Variants in MACROD1 observed in about 807,000 individuals in gnomAD.
MACROD1 encodes the protein mono-ADP ribosylhydrolase 1.
Under a neutral mutation model 41.4 loss-of-function variants are expected in MACROD1, and 31 were observed. The ratio of observed to expected loss-of-function variants is 0.75; its 90% CI spans 0.56 to 1.01. MACROD1 has a LOEUF of 1.01. MACROD1 is among the 50% of genes least tolerant of loss of function. MACROD1 has a pLI of 0.00. For missense variants in MACROD1, 473 were observed against 460.0 expected, an observed-to-expected ratio of 1.03 and a Z score of -0.26; for synonymous variants, 252 against 203.4, an observed-to-expected ratio of 1.24 and a Z score of -2.03.
chr11:64,124,605 G>A (rs372205790), intron 3 of MACROD1, among the ~76,000 whole-genome samples: 6 of 152,116 alleles, frequency 3.9e-5, no homozygotes, highest in East Asian at 3.9e-4. Context: ...AAAAGTGGGG[G>A]TCAGGCCCCC....
chr11:64,165,779 T>C lies in MACROD1; in HGVS notation c.216A>G (p.Thr72=). 2 of 1,495,510 alleles carry C rather than the reference T, an allele frequency of 1.3e-6. No homozygotes were observed. Among genetic ancestry groups the C allele is most frequent in the Non-Finnish European group, 1.8e-6 (2 of 1,128,422 alleles). The allele number at this position is 1,495,510 out of a possible 1,614,324, so 92.6% of individuals were successfully genotyped here. Residue 72 remains threonine, a synonymous_variant, in exon 1 of 11, where the codon ACA becomes ACG. Coordinates refer to ENST00000255681, the MANE Select transcript of MACROD1 (RefSeq NM_014067.4). ...GGGGGGCCCAAGTGCGCACCCCGGCTGTCCGCCCCACCGCCGCCGCCCCCC... is the reference window on the plus strand; with the variant it reads ...GGGGGGCCCAAGTGCGCACCCCGGCCGTCCGCCCCACCGCCGCCGCCCCCC... The part of the protein sequence containing the change: ...GAWGAAAVGR[T]AGVRTWAPLA...
At chr11:64,086,503 C>T (rs1944397703) in intron 3 of MACROD1, among the ~76,000 whole-genome samples, 1 of 151,436 alleles carries the variant, frequency 6.6e-6, no homozygotes, top group Admixed American at 6.6e-5. Context: ...TCCCTGAGGT[C>T]CCCTAGCTGA....
At chr11:64,054,363 A>G (rs1382798041) in intron 3 of MACROD1, among the ~76,000 whole-genome samples, 2 of 152,224 alleles carry the variant, frequency 1.3e-5, no homozygotes, top group Admixed American at 6.5e-5. Context: ...CCACTTCTCC[A>G]GGAGACTGAG....
intron 6 of MACROD1, 37 bp downstream of exon 6, chr11:63,999,605 C>T: frequency 6.2e-7 from 1 of 1,609,440 alleles, no homozygotes; most frequent in Non-Finnish European, 8.5e-7. Context: ...TGTCACTGCG[C>T]CCCGCCTCCC....
intron 3 of MACROD1, among the ~76,000 whole-genome samples, chr11:64,040,724 G>A (rs1038379485): frequency 1.3e-5 from 2 of 152,178 alleles, no homozygotes; most frequent in Non-Finnish European, 2.9e-5. Context: ...AGGAGAGTCC[G>A]CAGAAACCCT....
At chr11:64,132,872 C>T (rs1038754405) in intron 3 of MACROD1, among the ~76,000 whole-genome samples, 20 of 152,304 alleles carry the variant, frequency 1.3e-4, no homozygotes, top group Middle Eastern at 3.4e-3. Context: ...CTGGCTTACT[C>T]CCATTTTAAA....
chr11:64,127,625 C>T (rs1232946599), intron 3 of MACROD1, among the ~76,000 whole-genome samples: 2 of 152,212 alleles, frequency 1.3e-5, no homozygotes, highest in Non-Finnish European at 2.9e-5. Context: ...TCTACTGACA[C>T]CTGAGTCACC....
intron 3 of MACROD1, among the ~76,000 whole-genome samples, chr11:64,031,472 CTTCCT>C (rs1164991761): frequency 8.1e-6 from 1 of 123,848 alleles, no homozygotes; most frequent in Non-Finnish European, 1.7e-5. Flanking sequence ...GCCTGCCTGC[CTTCCT>C]TTTTTTTTTT....
chr11:64,000,408 C>T (rs1942803030), intron 4 of MACROD1, 65 bp from the exon 5 acceptor site: 2 of 1,109,744 alleles, frequency 1.8e-6, no homozygotes, highest in East Asian at 6.0e-5. Context: ...TGAGCACCCT[C>T]AGTCCCGAGA....
intron 3 of MACROD1, among the ~76,000 whole-genome samples, chr11:64,109,756 C>G (rs1282658500): frequency 3.3e-5 from 5 of 152,122 alleles, no homozygotes; most frequent in Non-Finnish European, 7.4e-5. Flanking sequence ...GACATAGGGT[C>G]AAGGCTGCCA....
intron 1 of MACROD1, among the ~76,000 whole-genome samples, chr11:64,159,234 G>A (rs1326949009): frequency 6.6e-6 from 1 of 150,582 alleles, no homozygotes; most frequent in African/African-American, 2.5e-5. Flanking sequence ...CAAGAGAATC[G>A]CTTGAACCCA....
chr11:64,068,860 G>A (rs898361173), intron 3 of MACROD1, among the ~76,000 whole-genome samples: 16 of 152,338 alleles, frequency 1.1e-4, no homozygotes, highest in African/African-American at 3.4e-4. Context: ...AGTGAGCCTC[G>A]GCCTTCCCCG....
intron 3 of MACROD1, among the ~76,000 whole-genome samples, chr11:64,129,380 G>A (rs1353691641): frequency 6.6e-6 from 1 of 152,224 alleles, no homozygotes; most frequent in African/African-American, 2.4e-5. Context: ...GACGACACAG[G>A]TAATGCCACT....
At chr11:64,066,088 G>A (rs1409643082) in intron 3 of MACROD1, among the ~76,000 whole-genome samples, 3 of 152,094 alleles carry the variant, frequency 2.0e-5, no homozygotes, top group Admixed American at 2.0e-4. Flanking sequence ...CCTGAGGTCA[G>A]GAGCTCAAGA....
chr11:64,116,985 G>A (rs777982000), intron 3 of MACROD1: 5 of 1,612,066 alleles, frequency 3.1e-6, no homozygotes, highest in Non-Finnish European at 3.4e-6. Context: ...CCAGCGCATC[G>A]CCGACGACAC....
rs531437720 is a variant in MACROD1 at position 64,064,209 on chromosome 11, G to A, written c.518-48928C>T. 8.5e-5 allele frequency among the ~76,000 whole-genome samples: 13 copies of A among 152,100 alleles called. No homozygotes were observed. Among genetic ancestry groups the A allele is most frequent in the Non-Finnish European group, 1.9e-4 (13 of 68,030 alleles). ...GGGTTTACATGAATAAAACATCAGTGTAGGGGAAAAAAATCCCAAACTGCA... is the reference window on the plus strand; with the variant it reads ...GGGTTTACATGAATAAAACATCAGTATAGGGGAAAAAAATCCCAAACTGCA... On this transcript the variant is annotated intron_variant, in intron 3 of 10. Transcript: ENST00000255681. This position sits in a 1 kb window ranked among gnomAD's most constrained non-coding sequence, Gnocchi z 4.5.
intron 3 of MACROD1, among the ~76,000 whole-genome samples, chr11:64,107,104 G>C (rs1047857867): frequency 6.6e-6 from 1 of 151,924 alleles, no homozygotes; most frequent in Non-Finnish European, 1.5e-5. Context: ...GGCTGGTTTT[G>C]AACTCCTGAC....
intron 3 of MACROD1, among the ~76,000 whole-genome samples, chr11:64,072,709 G>A (rs560889306): frequency 5.3e-5 from 8 of 152,286 alleles, no homozygotes; most frequent in Admixed American, 3.9e-4. Context: ...GGGGATTAGA[G>A]GAGTTAATGT....
At chr11:64,130,079 C>T (rs748359851) in intron 3 of MACROD1, among the ~76,000 whole-genome samples, 18 of 152,096 alleles carry the variant, frequency 1.2e-4, no homozygotes, top group Non-Finnish European at 2.6e-4. Flanking sequence ...GGTGGTCCCC[C>T]GAGAAACCTA....
Sources: gnomAD v4.1 joint callset for allele counts (sites outside exome capture counted in the v4.1 genomes callset) on GRCh38, gnomAD v4.1.1 for gene constraint, Gnocchi (gnomAD v3.1) non-coding constraint, MANE v1.5 for transcripts, NCBI Gene and HGNC (gene_info 2026-07-23, HGNC 2026-07-21) for gene names.